The following PADI1 variants were observed in gnomAD, a reference collection of about 807,000 sequenced individuals.
The protein encoded by PADI1 is peptidyl arginine deiminase 1, also known as protein-arginine deiminase type-1.
A neutral mutation model predicts 74.8 loss-of-function variants in PADI1; 65 were observed. That is an observed-to-expected ratio of 0.87 (90% CI 0.71 to 1.07). The LOEUF (loss-of-function observed/expected upper bound fraction) is 1.07. Among genes scored for constraint, PADI1 ranks in the 50% least tolerant of loss-of-function variants. The pLI is 0.00. For missense variants in PADI1, 943 were observed against 854.0 expected, an observed-to-expected ratio of 1.10 and a Z score of -1.30; for synonymous variants, 371 against 336.2, an observed-to-expected ratio of 1.10 and a Z score of -1.13.
intron 1 of PADI1, among the ~76,000 whole-genome samples, chr1:17,211,466 C>T (rs1429154752): frequency 6.6e-6 from 1 of 152,194 alleles, no homozygotes; most frequent in Admixed American, 6.5e-5. Context: ...GCCGGCAGCC[C>T]TGTTTTAAGT....
chr1:17,212,992 C>G (rs1018368758), intron 1 of PADI1, among the ~76,000 whole-genome samples: 1 of 152,246 alleles, frequency 6.6e-6, no homozygotes, highest in Non-Finnish European at 1.5e-5. Flanking sequence ...CACACTCTCT[C>G]AACACATTCC....
intron 11 of PADI1, among the ~76,000 whole-genome samples, chr1:17,233,587 C>A (rs1414034400): frequency 6.6e-6 from 1 of 152,224 alleles, no homozygotes; most frequent in Non-Finnish European, 1.5e-5. Context: ...TGAGTGGGTG[C>A]ACACCCTCCC....
rs3750299 is a variant in PADI1, at chr1:17,244,646, T to A, written c.*403T>A. On this transcript the variant is annotated 3_prime_UTR_variant, in exon 16 of 16. Coordinates refer to ENST00000375471, the MANE Select transcript of PADI1 (RefSeq NM_013358.3). ...CACCTGGAACGGGGCCTGGGGGACC[T>A]GGGGTCTGGTGTGCCAGGCACCAGG... 6.6e-3 allele frequency: 2,372 copies of A among 358,104 alleles called. 66 individuals carry two copies. Among genetic ancestry groups the A allele is most frequent in the East Asian group, 0.044 (591 of 13,522 alleles). The allele number at this position is 358,104 out of a possible 1,614,324, so 22.2% of individuals were successfully genotyped here.
At chr1:17,229,080 C>T in intron 8 of PADI1, 29 bp downstream of exon 8, 1 of 1,407,842 alleles carries the variant, frequency 7.1e-7, no homozygotes, top group Non-Finnish European at 9.8e-7. Context: ...AGCCCTCCCC[C>T]AAGTCTGGAG....
At chr1:17,205,788 G>A (rs2071666758) in intron 1 of PADI1, among the ~76,000 whole-genome samples, 1 of 152,318 alleles carries the variant, frequency 6.6e-6, no homozygotes, top group Non-Finnish European at 1.5e-5. Flanking sequence ...CCAATCAGGA[G>A]GGAGTGGTTA....
intron 8 of PADI1, among the ~76,000 whole-genome samples, chr1:17,229,734 C>T (rs1216233872): frequency 6.6e-6 from 1 of 152,204 alleles, no homozygotes; most frequent in African/African-American, 2.4e-5. Context: ...TTGCTTAGGC[C>T]AATTGTGTGG....
At position 17,232,838 on chromosome 1, in the gene PADI1, T is replaced by C. The variant is rs752831462; in HGVS notation, c.1181T>C (p.Val394Ala). ...CCATAGGGTCCTGACTTTGGATATGTTACCCGGGAGATCCCGCTCCCTGGT... is the reference window on the plus strand; with the variant it reads ...CCATAGGGTCCTGACTTTGGATATGCTACCCGGGAGATCCCGCTCCCTGGT... ...KRILGPDFGY[V>A]TREIPLPGPS... The change falls in exon 11 of 16, where the codon GTT (valine) becomes GCT (alanine). Residue 394 changes from valine to alanine, a missense_variant. Physicochemically the swap from Val to Ala is moderately conservative, Grantham distance 64 (BLOSUM62 0). Coordinates refer to ENST00000375471, the MANE Select transcript of PADI1 (RefSeq NM_013358.3). 6.2e-6 allele frequency: 10 copies of C among 1,613,324 alleles called. No homozygotes were observed. The South Asian group carries it at 7.7e-5, about 12-fold the overall frequency.
In PADI1 at chr1:17,230,180, T is replaced by C. The variant is rs796333013; in HGVS notation, c.1025T>C (p.Val342Ala). ...ANCKLTICPQ[V>A]ENRNDRWIQD... ...TGCAAGCTGACCATCTGCCCTCAAG[T>C]TGAAAATCGAAATGACCGCTGGATC... Residue 342 changes from valine to alanine, a missense_variant, in exon 9 of 16, where the codon GTT becomes GCT. Coordinates refer to ENST00000375471, the MANE Select transcript of PADI1 (RefSeq NM_013358.3). 1.2e-6 allele frequency: 2 copies of C among 1,614,134 alleles called. No individual in the cohort carries two copies. Among genetic ancestry groups the C allele is most frequent in the Non-Finnish European group, 1.7e-6 (2 of 1,179,998 alleles).
At chr1:17,223,018 G>A (rs1427751432) in intron 2 of PADI1, among the ~76,000 whole-genome samples, 1 of 152,170 alleles carries the variant, frequency 6.6e-6, no homozygotes, top group African/African-American at 2.4e-5. Context: ...TAAAGCAGCT[G>A]TTGAGGGAGG....
chr1:17,211,775 C>T (rs888634968), intron 1 of PADI1, among the ~76,000 whole-genome samples: 7 of 152,222 alleles, frequency 4.6e-5, no homozygotes, highest in Admixed American at 1.3e-4. Context: ...GGGCCAAGCA[C>T]GGCTGTGCCC....
At position 17,244,718 on chromosome 1, in the gene PADI1, C is replaced by T. The variant is rs193146946; in HGVS notation, c.*475C>T. ...TAGGAAAGGGGATCAGAAACATCCTCTCCCCGCTCTAGGTTTCTTCTCCCA... is the reference window on the plus strand; with the variant it reads ...TAGGAAAGGGGATCAGAAACATCCTTTCCCCGCTCTAGGTTTCTTCTCCCA... On this transcript the variant is annotated 3_prime_UTR_variant, in exon 16 of 16. Transcript: ENST00000375471. 5.1e-4 allele frequency: 177 copies of T among 348,530 alleles called. No individual in the cohort carries two copies. Among genetic ancestry groups the T allele is most frequent in the African/African-American group, 3.4e-3 (158 of 46,750 alleles). 21.6% of individuals were successfully genotyped at this position (348,530 alleles called of 1,614,324 possible).
At chr1:17,239,503 T>C in intron 13 of PADI1, 2 of 547,348 alleles carry the variant, frequency 3.7e-6, no homozygotes, top group East Asian at 3.0e-5. Flanking sequence ...TCCTGAGGGG[T>C]TCCTTATCCA....
At chr1:17,225,312 A>T (rs762320435) in intron 4 of PADI1, among the ~76,000 whole-genome samples, 1 of 152,196 alleles carries the variant, frequency 6.6e-6, no homozygotes, top group Non-Finnish European at 1.5e-5. Context: ...GGAGAGCTCC[A>T]GCCATGTTTC....
At chr1:17,226,206 T>A in intron 6 of PADI1, 48 bp downstream of exon 6, 1 of 1,595,092 alleles carries the variant, frequency 6.3e-7, no homozygotes, top group South Asian at 1.1e-5. Flanking sequence ...TCCATATCTA[T>A]CCTCTCCTCC....
At chr1:17,233,083 C>A in intron 11 of PADI1, 113 bp downstream of exon 11, 1 of 1,004,420 alleles carries the variant, frequency 1.0e-6, no homozygotes, top group Non-Finnish European at 1.4e-6. Context: ...ATCTTAACTT[C>A]CTGCGTGGAA....
At chr1:17,230,037 C>T (rs1557472136) in intron 8 of PADI1, 48 bp from the exon 9 acceptor site, 1 of 1,576,690 alleles carries the variant, frequency 6.3e-7, no homozygotes, top group Non-Finnish European at 8.6e-7. Context: ...CACACCTCAG[C>T]CACAGTCAGA....
rs770306358 is a variant in PADI1, at chr1:17,228,740, C to A, written c.768C>A (p.Phe256Leu). The change falls in exon 7 of 16, where the codon TTC (phenylalanine) becomes TTA (leucine). Residue 256 changes from phenylalanine (F) to leucine (L), a missense_variant. By Grantham distance (22) the Phe-to-Leu change is conservative. Transcript: ENST00000375471. ...AGTTCTATGTGGAGGGGCTGACCTT[C>A]CCCGATGCCGATTTCCTAGGGCTGG... ...EIKFYVEGLTFPDADFLGLVS... is the reference protein window; with the variant it reads ...EIKFYVEGLTLPDADFLGLVS... 26 of 1,614,086 alleles carry A rather than the reference C, an allele frequency of 1.6e-5. No homozygotes were observed. The highest frequency in any genetic ancestry group is 1.9e-5 in the Non-Finnish European group (22 of 1,180,038).
intron 1 of PADI1, among the ~76,000 whole-genome samples, chr1:17,218,614 G>A (rs1047518545): frequency 6.6e-6 from 1 of 152,234 alleles, no homozygotes; most frequent in African/African-American, 2.4e-5. Context: ...AGTTTCCTTG[G>A]TGTGGTGGGA....
chr1:17,208,914 G>A (rs12135995), intron 1 of PADI1, among the ~76,000 whole-genome samples: 7,296 of 152,240 alleles, frequency 0.048, 442 homozygotes, highest in Admixed American at 0.18. Flanking sequence ...CGGCCTTGTA[G>A]GAGACAGGGA....
Sources: gnomAD v4.1 joint callset for allele counts (sites outside exome capture counted in the v4.1 genomes callset) on GRCh38, gnomAD v4.1.1 for gene constraint, MANE v1.5 for transcripts, NCBI Gene and HGNC (gene_info 2026-07-23, HGNC 2026-07-21) for gene names.